The following TLL1 variants were observed in gnomAD, a reference collection of about 807,000 sequenced individuals.
TLL1 encodes the protein tolloid-like protein 1.
In TLL1, 49 loss-of-function variants were observed where a neutral mutation model predicts 128.2. That is an observed-to-expected ratio of 0.38 (90% CI 0.30 to 0.48). The LOEUF is 0.48. Ranked by LOEUF, TLL1 falls within the 20% of genes least tolerant of loss-of-function variation. TLL1 has a pLI of 0.96. For missense variants in TLL1, 1,123 were observed against 1,242.0 expected, an observed-to-expected ratio of 0.90 and a Z score of 1.44; for synonymous variants, 454 against 418.8, an observed-to-expected ratio of 1.08 and a Z score of -1.03.
At chr4:165,980,299 G>A (rs148252048) in intron 1 of TLL1, among the ~76,000 whole-genome samples, 1 of 152,148 alleles carries the variant, frequency 6.6e-6, no homozygotes, top group African/African-American at 2.4e-5. Flanking sequence ...AAGTGTAATG[G>A]ATTCAGGAAC....
At chr4:165,933,197 A>G (rs1296756074) in intron 1 of TLL1, among the ~76,000 whole-genome samples, 1 of 152,148 alleles carries the variant, frequency 6.6e-6, no homozygotes, top group Non-Finnish European at 1.5e-5. Context: ...ATAATTGTTC[A>G]GTGGATTCAC....
At chr4:166,064,829 A>G (rs1315269936) in intron 15 of TLL1, among the ~76,000 whole-genome samples, 6 of 152,072 alleles carry the variant, frequency 3.9e-5, no homozygotes, top group African/African-American at 7.2e-5. Flanking sequence ...TTCATCACCT[A>G]TTTAGTAGCA....
At chr4:165,952,457 TGGGATGAAGTAGACA>T (rs1420738835) in intron 1 of TLL1, among the ~76,000 whole-genome samples, 1 of 152,154 alleles carries the variant, frequency 6.6e-6, no homozygotes, top group Non-Finnish European at 1.5e-5. Flanking sequence ...TGAATAGTTA[TGGGATGAAGTAGACA>T]GGGAAGGAAA....
Position 166,100,774 on chromosome 4 carries a change from A to C in TLL1, c.2940A>C (p.Ser980=), listed in dbSNP as rs139270620. ...PPEEIYSIGD[S]VLIHFHTDDT... ...AAGAGATTTATTCAATTGGAGATTCAGTTTTAATTCATTTCCACACTGATG... is the reference window on the plus strand; with the variant it reads ...AAGAGATTTATTCAATTGGAGATTCCGTTTTAATTCATTTCCACACTGATG... The change falls in exon 21 of 21, where the codon TCA becomes TCC. Residue 980 remains serine, a synonymous_variant. Transcript: ENST00000061240. 5.6e-4 allele frequency: 906 copies of C among 1,613,134 alleles called. 7 individuals carry two copies. The African/African-American group carries it at 0.011, about 19-fold the overall frequency.
intron 1 of TLL1, among the ~76,000 whole-genome samples, chr4:165,941,296 G>A (rs914771943): frequency 2.0e-5 from 3 of 152,022 alleles, no homozygotes; most frequent in Admixed American, 2.0e-4. Flanking sequence ...CTTTGAGAAG[G>A]GGTAATTTTT....
intron 1 of TLL1, among the ~76,000 whole-genome samples, chr4:165,882,019 A>G (rs144734272): frequency 9.2e-4 from 140 of 152,318 alleles, no homozygotes; most frequent in African/African-American, 3.1e-3. Flanking sequence ...AATTCAGGAA[A>G]GTGGTTTACA....
At chr4:165,976,034 C>CAAAAAA (rs1169297533) in intron 1 of TLL1, among the ~76,000 whole-genome samples, 2,180 of 71,992 alleles carry the variant, frequency 0.03, 280 homozygotes, top group African/African-American at 0.08. Flanking sequence ...GATTCCATCT[C>CAAAAAA]AAAAAAAAAA....
chr4:165,982,577 T>C (rs1736197226), intron 1 of TLL1, among the ~76,000 whole-genome samples: 1 of 151,594 alleles, frequency 6.6e-6, no homozygotes, highest in Admixed American at 6.6e-5. Context: ...AAGGGAAGTC[T>C]TTTACAAAGA....
At chr4:165,887,873 T>A (rs1481888875) in intron 1 of TLL1, among the ~76,000 whole-genome samples, 1 of 152,206 alleles carries the variant, frequency 6.6e-6, no homozygotes, top group South Asian at 2.1e-4. Flanking sequence ...TGTGCCTGCT[T>A]TTGATATAGA....
chr4:166,007,644 A>G (rs1270040403), intron 6 of TLL1, among the ~76,000 whole-genome samples: 7 of 151,744 alleles, frequency 4.6e-5, no homozygotes, highest in African/African-American at 1.4e-4. Flanking sequence ...GTGCAGTAAG[A>G]TTTTAAAGAA....
Position 166,014,488 on chromosome 4 carries a change from C to T in TLL1, c.970C>T (p.Pro324Ser). The change falls in exon 8 of 21, where the codon CCT becomes TCT. Residue 324 changes from proline to serine, a missense_variant. Coordinates refer to ENST00000061240, the MANE Select transcript of TLL1 (RefSeq NM_012464.5). ...CTCCCGTGATGATAATGGCATACGT[C>T]CTGCAATTGGTCAGCGAACCCGTCT... ...LPSRDDNGIR[P>S]AIGQRTRLSK... 1.2e-6 allele frequency: 2 copies of T among 1,612,414 alleles called. No homozygotes were observed. The highest frequency in any genetic ancestry group is 1.7e-6 in the Non-Finnish European group (2 of 1,178,856).
At chr4:165,928,052 G>C (rs557164256) in intron 1 of TLL1, among the ~76,000 whole-genome samples, 1 of 152,218 alleles carries the variant, frequency 6.6e-6, no homozygotes, top group South Asian at 2.1e-4. Context: ...GTGTGGTTTT[G>C]TACAGAGTGG....
At chr4:165,963,424 G>A (rs1735214526) in intron 1 of TLL1, among the ~76,000 whole-genome samples, 1 of 152,000 alleles carries the variant, frequency 6.6e-6, no homozygotes, top group Non-Finnish European at 1.5e-5. Flanking sequence ...GCAAATATTT[G>A]GATTATAGTT....
intron 1 of TLL1, among the ~76,000 whole-genome samples, chr4:165,959,246 A>G (rs1734970353): frequency 6.6e-6 from 1 of 152,110 alleles, no homozygotes; most frequent in Admixed American, 6.5e-5. Context: ...CAATTCTGTG[A>G]AGAAAGTCAT....
intron 5 of TLL1, among the ~76,000 whole-genome samples, chr4:165,997,594 A>G (rs1736943825): frequency 6.6e-6 from 1 of 152,196 alleles, no homozygotes. Context: ...TATGCATGAA[A>G]CTACCTGTGT....
intron 1 of TLL1, among the ~76,000 whole-genome samples, chr4:165,917,774 T>G (rs1230312383): frequency 6.6e-6 from 1 of 152,168 alleles, no homozygotes; most frequent in African/African-American, 2.4e-5. Flanking sequence ...TTTAAATGAC[T>G]CTTTTGGCCT....
At chr4:165,934,173 C>CTTT (rs779010027) in intron 1 of TLL1, among the ~76,000 whole-genome samples, 35 of 108,280 alleles carry the variant, frequency 3.2e-4, no homozygotes, top group African/African-American at 6.3e-4. Flanking sequence ...TAATTTTTTG[C>CTTT]TTTTTTTTTT....
rs1360750953 is a variant in TLL1, at chr4:166,103,642, A to G, written c.*2766A>G. On this transcript the variant is annotated 3_prime_UTR_variant, in exon 21 of 21. Transcript: ENST00000061240. Reference sequence around the variant, plus strand: ...CATGTCAAGTATCAGTTTACCACATATTATTTTTATATTAATTCAACATTT... The same window carrying G: ...CATGTCAAGTATCAGTTTACCACATGTTATTTTTATATTAATTCAACATTT... The G allele has an allele frequency of 6.6e-6, 1 of 151,806 alleles. No individual in the cohort carries two copies. The highest frequency in any genetic ancestry group is 1.5e-5 in the Non-Finnish European group (1 of 67,844). 9.4% of individuals were successfully genotyped at this position (151,806 alleles called of 1,614,324 possible). A position where few individuals can be genotyped will look rare whatever the true frequency, so the allele number is the denominator to read the frequency against.
chr4:165,907,685 A>C (rs1298611203), intron 1 of TLL1, among the ~76,000 whole-genome samples: 1 of 151,684 alleles, frequency 6.6e-6, no homozygotes, highest in South Asian at 2.1e-4. Context: ...AGTAGCTGGG[A>C]TTACAGGCAC....
Sources: gnomAD v4.1 joint callset for allele counts (sites outside exome capture counted in the v4.1 genomes callset) on GRCh38, gnomAD v4.1.1 for gene constraint, MANE v1.5 for transcripts, NCBI Gene and HGNC (gene_info 2026-07-23, HGNC 2026-07-21) for gene names.